Variants in GRM7 observed in about 807,000 individuals in gnomAD.
GRM7 encodes the protein metabotropic glutamate receptor 7.
Under a neutral mutation model 84.5 loss-of-function variants are expected in GRM7, and 35 were observed. The observed-to-expected ratio is 0.41, with a 90% CI of 0.32 to 0.55. The LOEUF (loss-of-function observed/expected upper bound fraction) is 0.55, where lower values mean the gene tolerates loss of function less well. Ranked by LOEUF, GRM7 falls within the 20% of genes least tolerant of loss-of-function variation. The pLI is 0.19. For missense variants in GRM7, 1,003 were observed against 1,194.6 expected (o/e 0.84, Z 2.36); for synonymous variants, 487 against 455.1 (o/e 1.07, Z -0.89).
intron 1 of GRM7, among the ~76,000 whole-genome samples, chr3:6,874,751 T>G (rs980884237): frequency 6.6e-6 from 1 of 152,220 alleles, no homozygotes; most frequent in Non-Finnish European, 1.5e-5. Context: ...AGCTTCTTGA[T>G]TTCCATATCT....
rs571060002 is a variant in GRM7, at chr3:7,523,130, C to T, written c.1516-55292C>T. Among the ~76,000 whole-genome samples, 29 of 152,190 alleles carry T rather than the reference C, an allele frequency of 1.9e-4. No homozygotes were observed. The South Asian group carries it at 3.3e-3, about 17-fold the overall frequency. Reference sequence around the variant, plus strand: ...GTCTATGGTATTTTATTACAGCAGGCGGAGCTAACAGAGACATTCACGTTT... The same window carrying T: ...GTCTATGGTATTTTATTACAGCAGGTGGAGCTAACAGAGACATTCACGTTT... On this transcript the variant is annotated intron_variant, in intron 7 of 9. Coordinates refer to ENST00000357716, the MANE Select transcript of GRM7 (RefSeq NM_000844.4).
chr3:7,113,766 C>A (rs1234169006), intron 1 of GRM7, among the ~76,000 whole-genome samples: 2 of 152,146 alleles, frequency 1.3e-5, no homozygotes, highest in Non-Finnish European at 2.9e-5. Flanking sequence ...ACTCCCAACT[C>A]ATGAGCCATC....
chr3:7,353,491 C>A (rs1183466611), intron 4 of GRM7, among the ~76,000 whole-genome samples: 2 of 151,990 alleles, frequency 1.3e-5, no homozygotes, highest in Admixed American at 1.3e-4. Flanking sequence ...AAAAGATGTC[C>A]CACCATGAAT....
chr3:6,884,085 C>A (rs1574966651), intron 1 of GRM7: 1 of 152,626 alleles, frequency 6.6e-6, no homozygotes, highest in African/African-American at 2.4e-5. Flanking sequence ...AGTGTGCCAT[C>A]CATTGGTAAA....
intron 7 of GRM7, among the ~76,000 whole-genome samples, chr3:7,467,329 A>C (rs1456224030): frequency 6.6e-6 from 1 of 152,148 alleles, no homozygotes; most frequent in Non-Finnish European, 1.5e-5. Context: ...CCTTGTAATC[A>C]GTCCGCCTGA....
intron 8 of GRM7, among the ~76,000 whole-genome samples, chr3:7,637,779 C>T (rs940934080): frequency 6.6e-6 from 1 of 152,276 alleles, no homozygotes; most frequent in African/African-American, 2.4e-5. Flanking sequence ...ACAGCAACAG[C>T]TAGTGCAATA....
At chr3:7,340,393 A>G (rs908118321) in intron 4 of GRM7, among the ~76,000 whole-genome samples, 4 of 152,252 alleles carry the variant, frequency 2.6e-5, no homozygotes, top group East Asian at 1.9e-4. Context: ...CACATCTTAC[A>G]TGGCAGCAGG....
chr3:7,092,696 GA>G (rs1003806519), intron 1 of GRM7, among the ~76,000 whole-genome samples: 3 of 152,076 alleles, frequency 2.0e-5, no homozygotes, highest in Admixed American at 2.0e-4. Flanking sequence ...CTATTTTTGA[GA>G]AGGGGGAGGT....
At chr3:7,645,205 A>T (rs1475760003) in intron 8 of GRM7, among the ~76,000 whole-genome samples, 1 of 152,236 alleles carries the variant, frequency 6.6e-6, no homozygotes, top group Non-Finnish European at 1.5e-5. Flanking sequence ...AAACTGAGGT[A>T]GATGGATCAA....
intron 7 of GRM7, among the ~76,000 whole-genome samples, chr3:7,519,066 A>T (rs1015269272): frequency 6.6e-6 from 1 of 152,330 alleles, no homozygotes; most frequent in African/African-American, 2.4e-5. Flanking sequence ...GGCCTGGATA[A>T]GTTAAGTGAC....
At chr3:7,185,907 AAATTGAGCAAATTTTGTTT>A (rs1208310997) in intron 2 of GRM7, among the ~76,000 whole-genome samples, 4 of 152,224 alleles carry the variant, frequency 2.6e-5, no homozygotes, top group African/African-American at 9.6e-5. Context: ...CTTTACCCAG[AAATTGAGCAAATTTTGTTT>A]GTAAGCTCAT....
chr3:7,041,208 G>C (rs1050698302), intron 1 of GRM7, among the ~76,000 whole-genome samples: 3 of 151,994 alleles, frequency 2.0e-5, no homozygotes, highest in Admixed American at 2.0e-4. Context: ...TTGATTCTTA[G>C]GTGTATACAT....
intron 4 of GRM7, among the ~76,000 whole-genome samples, chr3:7,405,999 C>G (rs1695660093): frequency 6.6e-6 from 1 of 151,534 alleles, no homozygotes; most frequent in African/African-American, 2.4e-5. Flanking sequence ...GTAATACTAT[C>G]AAAGTATTTT....
chr3:7,733,954 A>T (rs1055744105), intron 9 of GRM7, among the ~76,000 whole-genome samples: 1 of 152,192 alleles, frequency 6.6e-6, no homozygotes, highest in African/African-American at 2.4e-5. Context: ...CCAAGACAAA[A>T]TTAGTCTTTG....
chr3:7,486,916 A>T lies in GRM7; in HGVS notation c.1515+25194A>T, dbSNP rs1396156602. On this transcript the variant is annotated intron_variant, in intron 7 of 9. Transcript: ENST00000357716. This position sits in a 1 kb window ranked among gnomAD's most constrained non-coding sequence, Gnocchi z 5.5. ...AAAGCCTAGATTCTTGTGAGGACAT[A>T]GAAGACGAGAATACTAGGGAAAGTT... is the stretch of plus-strand genomic sequence containing the variant. Among the ~76,000 whole-genome samples the T allele has an allele frequency of 6.6e-6, 1 of 152,210 alleles. No individual in the cohort carries two copies.
At chr3:6,886,032 A>G (rs986287333) in intron 1 of GRM7, among the ~76,000 whole-genome samples, 11 of 152,186 alleles carry the variant, frequency 7.2e-5, no homozygotes, top group African/African-American at 2.4e-4. Flanking sequence ...ATATATGTAT[A>G]CATTGTGGAA....
intron 2 of GRM7, among the ~76,000 whole-genome samples, chr3:7,276,448 C>G (rs974914435): frequency 3.3e-5 from 5 of 151,934 alleles, no homozygotes; most frequent in African/African-American, 9.7e-5. Context: ...GCGATCCTCC[C>G]TACCCCAGGA....
At chr3:7,414,476 C>G (rs545256824) in intron 4 of GRM7, among the ~76,000 whole-genome samples, 1 of 152,080 alleles carries the variant, frequency 6.6e-6, no homozygotes, top group Admixed American at 6.6e-5. Flanking sequence ...TGACCCCATA[C>G]GAACATTTAA....
In GRM7 at chr3:7,167,830, G is replaced by A. The variant is rs933505481; in HGVS notation, c.736+21162G>A. Among the ~76,000 whole-genome samples, 13 of 151,916 alleles carry A rather than the reference G, an allele frequency of 8.6e-5. No homozygotes were observed. The East Asian group carries it at 9.7e-4, about 11-fold the overall frequency. On this transcript the variant is annotated intron_variant, in intron 2 of 9. Transcript: ENST00000357716. The stretch of plus-strand genomic sequence containing the variant: ...TAAATATACAAAAGATTAGCTAGGC[G>A]TGGTGGCAGGCACCTGTAGTCCCTG...
Sources: gnomAD v4.1 joint callset for allele counts (sites outside exome capture counted in the v4.1 genomes callset) on GRCh38, gnomAD v4.1.1 for gene constraint, Gnocchi (gnomAD v3.1) non-coding constraint, MANE v1.5 for transcripts, NCBI Gene and HGNC (gene_info 2026-07-23, HGNC 2026-07-21) for gene names.